The following MAGI2 variants were observed in gnomAD, a reference collection of about 807,000 sequenced individuals.
MAGI2 encodes the protein membrane associated guanylate kinase, WW and PDZ domain containing 2.
In MAGI2, 35 loss-of-function variants were observed where a neutral mutation model predicts 133.3. That is an observed-to-expected ratio of 0.26 (90% confidence interval 0.20 to 0.35). The LOEUF (loss-of-function observed/expected upper bound fraction) is 0.35, where lower values mean the gene tolerates loss of function less well. Among genes scored for constraint, MAGI2 ranks in the 10% least tolerant of loss-of-function variants. The pLI is 1.00. For synonymous variants in MAGI2, 729 were observed against 710.6 expected (o/e 1.03, Z -0.41); for missense variants, 1,636 against 1,863.4 (o/e 0.88, Z 2.25).
chr7:78,266,483 G>A (rs533047677), intron 9 of MAGI2, among the ~76,000 whole-genome samples: 165 of 152,194 alleles, frequency 1.1e-3, no homozygotes, highest in Non-Finnish European at 1.3e-3. Context: ...GATTGCAGTC[G>A]TGAGCCAACA....
chr7:79,267,679 G>A (rs1044760752), intron 1 of MAGI2, among the ~76,000 whole-genome samples: 2 of 152,212 alleles, frequency 1.3e-5, no homozygotes, highest in Admixed American at 6.5e-5. Flanking sequence ...CTGAAGGTTC[G>A]AGTCTGTGGA....
chr7:78,896,351 A>C (rs1797211451), intron 2 of MAGI2, among the ~76,000 whole-genome samples: 1 of 152,002 alleles, frequency 6.6e-6, no homozygotes, highest in South Asian at 2.1e-4. Flanking sequence ...TCAGCACAAT[A>C]CAAAATATCC....
At chr7:79,130,680 A>T (rs1200439178) in intron 1 of MAGI2, among the ~76,000 whole-genome samples, 1 of 152,220 alleles carries the variant, frequency 6.6e-6, no homozygotes, top group Non-Finnish European at 1.5e-5. Flanking sequence ...TGAGTTAATG[A>T]ATATAAAAAT....
intron 2 of MAGI2, among the ~76,000 whole-genome samples, chr7:78,629,939 T>C (rs1410378624): frequency 2.0e-5 from 3 of 151,962 alleles, no homozygotes; most frequent in Non-Finnish European, 4.4e-5. Context: ...TTTCTTTTCC[T>C]TTGCTTTTAG....
chr7:78,243,303 G>A (rs1289885291), intron 10 of MAGI2, among the ~76,000 whole-genome samples: 1 of 149,452 alleles, frequency 6.7e-6, no homozygotes, highest in Non-Finnish European at 1.5e-5. Flanking sequence ...AACAAATGGG[G>A]CAAAATGTTA....
At chr7:78,291,281 C>A (rs531034804) in intron 9 of MAGI2, among the ~76,000 whole-genome samples, 1 of 152,286 alleles carries the variant, frequency 6.6e-6, no homozygotes, top group Admixed American at 6.5e-5. Flanking sequence ...ATACAAACTA[C>A]CATCACAGAA....
intron 11 of MAGI2, 147 bp from the exon 12 acceptor site, chr7:78,195,210 AT>A: frequency 1.7e-6 from 1 of 589,528 alleles, no homozygotes; most frequent in Non-Finnish European, 2.9e-6. Context: ...GAAAGAAAAG[AT>A]TTTATGTCTA....
intron 6 of MAGI2, among the ~76,000 whole-genome samples, chr7:78,397,061 G>A (rs1388656751): frequency 1.3e-5 from 2 of 151,920 alleles, no homozygotes; most frequent in Non-Finnish European, 2.9e-5. Context: ...TGGTAGAAAG[G>A]GATGGAAATG....
At chr7:79,379,277 A>C (rs547395371) in intron 1 of MAGI2, among the ~76,000 whole-genome samples, 6 of 151,748 alleles carry the variant, frequency 4.0e-5, no homozygotes, top group Admixed American at 2.6e-4. Context: ...CATGTCCCTA[A>C]AAAGGATAAG....
chr7:79,114,668 C>G (rs1281717523), intron 1 of MAGI2, among the ~76,000 whole-genome samples: 2 of 152,060 alleles, frequency 1.3e-5, no homozygotes, highest in African/African-American at 4.8e-5. Context: ...ACACAGAGCC[C>G]CCCCATTACC....
At chr7:78,698,579 T>C (rs2151141937) in intron 2 of MAGI2, among the ~76,000 whole-genome samples, 1 of 152,348 alleles carries the variant, frequency 6.6e-6, no homozygotes, top group East Asian at 1.9e-4. Context: ...TGATAGATAC[T>C]TATTTATCCT....
chr7:78,348,167 T>C (rs567020941), intron 7 of MAGI2, among the ~76,000 whole-genome samples: 1 of 152,314 alleles, frequency 6.6e-6, no homozygotes, highest in Admixed American at 6.5e-5. Flanking sequence ...CTATCAGACC[T>C]CTTATCTTTC....
intron 10 of MAGI2, among the ~76,000 whole-genome samples, chr7:78,223,539 A>G (rs916797679): frequency 6.6e-6 from 1 of 152,250 alleles, no homozygotes; most frequent in African/African-American, 2.4e-5. Context: ...TTAACAAGTT[A>G]TGTTATCAAA....
intron 1 of MAGI2, among the ~76,000 whole-genome samples, chr7:79,447,167 C>G (rs917277672): frequency 2.6e-5 from 4 of 151,904 alleles, no homozygotes; most frequent in Admixed American, 2.6e-4. Context: ...GTCAGTAAGA[C>G]GTAATAATAA....
chr7:78,648,148 A>C (rs1263002246), intron 2 of MAGI2, among the ~76,000 whole-genome samples: 1 of 152,194 alleles, frequency 6.6e-6, no homozygotes, highest in Non-Finnish European at 1.5e-5. Flanking sequence ...AGTATAATAA[A>C]AAAATTACAC....
rs116516513 is a variant in MAGI2, at chr7:79,082,399, T to C, written c.302-75193A>G. Among the ~76,000 whole-genome samples, 276 of 152,190 alleles carry C rather than the reference T, an allele frequency of 1.8e-3. 3 individuals are homozygous for C. Among genetic ancestry groups the C allele is most frequent in the African/African-American group, 6.3e-3 (261 of 41,566 alleles). On this transcript the variant is annotated intron_variant, in intron 1 of 21. Transcript: ENST00000354212. The stretch of plus-strand genomic sequence containing the variant: ...TACATTTTTAGTTTATATTTGTACA[T>C]GGCTGGAGGAAGGGATCTAACTTCA...
intron 2 of MAGI2, among the ~76,000 whole-genome samples, chr7:78,893,247 T>C (rs572071472): frequency 6.6e-6 from 1 of 152,108 alleles, no homozygotes; most frequent in Admixed American, 6.6e-5. Flanking sequence ...CTGGAGAGGA[T>C]GTGGAGAAAC....
chr7:78,183,162 T>G (rs1827345743), intron 13 of MAGI2, among the ~76,000 whole-genome samples: 1 of 152,192 alleles, frequency 6.6e-6, no homozygotes, highest in African/African-American at 2.4e-5. Flanking sequence ...ATAATTATGA[T>G]AAACGTATCT....
chr7:78,730,096 T>C (rs931136326), intron 2 of MAGI2, among the ~76,000 whole-genome samples: 1 of 152,134 alleles, frequency 6.6e-6, no homozygotes, highest in African/African-American at 2.4e-5. Flanking sequence ...AAGATAAGCA[T>C]AGAAGTTCAA....
Sources: allele counts gnomAD v4.1 joint callset (sites outside exome capture counted in the v4.1 genomes callset), GRCh38; gene constraint gnomAD v4.1.1; transcripts MANE v1.5; gene names NCBI Gene and HGNC (gene_info 2026-07-23, HGNC 2026-07-21).